The following ZNF23 variants were observed in gnomAD, a reference collection of about 807,000 sequenced individuals.
ZNF23 encodes kruppel-like zinc finger factor X31.
ZNF23 carries 48 observed loss-of-function variants against 56.2 expected under a neutral mutation model. That is an observed-to-expected ratio of 0.85 (90% CI 0.68 to 1.09). The LOEUF (loss-of-function observed/expected upper bound fraction) is 1.09, where lower values mean the gene tolerates loss of function less well. Ranked by LOEUF, ZNF23 falls within the 50% of genes least tolerant of loss-of-function variation. The pLI is 0.00. For missense variants in ZNF23, 805 were observed against 811.4 expected, an observed-to-expected ratio of 0.99 and a Z score of 0.10; for synonymous variants, 266 against 283.3, an observed-to-expected ratio of 0.94 and a Z score of 0.61.
At position 71,449,628 on chromosome 16, in the gene ZNF23, T is replaced by TA; in HGVS notation, c.525dup (p.Thr176TyrfsTer20). ...CCAGAGGGCTGCTCTCCAGTGATGG[T>TA]ATGACACTGATATGAGTTTGAACTT... On this transcript the variant is annotated frameshift_variant, in exon 5 of 5. Coordinates refer to ENST00000647773, the MANE Select transcript of ZNF23 (RefSeq NM_001381984.1). LOFTEE classifies it high-confidence loss of function. 1.9e-6 allele frequency: 3 copies of TA among 1,613,998 alleles called. No individual in the cohort carries two copies. The highest frequency in any genetic ancestry group is 2.5e-6 in the Non-Finnish European group (3 of 1,180,016).
At chr16:71,451,110 C>G (rs2043043514) in intron 4 of ZNF23, 1 of 152,574 alleles carries the variant, frequency 6.6e-6, no homozygotes, top group African/African-American at 2.4e-5. Flanking sequence ...TTAACCTTGC[C>G]TTTTCCTTTC....
chr16:71,449,382 G>A lies in ZNF23; in HGVS notation c.772C>T (p.Gln258Ter), dbSNP rs368825714. Residue 258 changes from glutamine (Q) to a stop codon, truncating the protein, a stop_gained, in exon 5 of 5, where the codon CAG becomes TAG. Coordinates refer to ENST00000647773, the MANE Select transcript of ZNF23 (RefSeq NM_001381984.1). LOFTEE classifies it high-confidence loss of function. ...GGTTTCTCCCCACTGTGAAGTCTCT[G>A]ATGCCAAATTAATTTCTCATTAATG... is the stretch of plus-strand genomic sequence containing the variant. The part of the protein sequence containing the change: ...FSINEKLIWH[Q>*]RLHSGEKPFK... 8 of 1,614,112 alleles carry A rather than the reference G, an allele frequency of 5.0e-6. No individual in the cohort carries two copies. The African/African-American group carries it at 9.3e-5, about 19-fold the overall frequency.
At chr16:71,455,957 C>A (rs1263097171) in intron 2 of ZNF23, 2 of 454,956 alleles carry the variant, frequency 4.4e-6, no homozygotes, top group African/African-American at 2.0e-5. Flanking sequence ...CAACACAGCA[C>A]TTATCACAGA....
chr16:71,456,174 G>A (rs541225013), intron 2 of ZNF23: 29 of 410,738 alleles, frequency 7.1e-5, no homozygotes, highest in South Asian at 3.1e-4. Flanking sequence ...CAGGTTCCCC[G>A]CACAACACCT....
In ZNF23 at chr16:71,456,899, G is replaced by A. The variant is rs1488478287; in HGVS notation, c.-32-71C>T. The A allele has an allele frequency of 7.4e-6, 4 of 538,054 alleles. No homozygotes were observed. The African/African-American group carries it at 8.2e-5, about 11-fold the overall frequency. 33.3% of individuals were successfully genotyped at this position (538,054 alleles called of 1,614,324 possible). ...AACCAGAGCAACATAGCCCCTCACA[G>A]AAAATGCAAGACACAGGCAGCTTGC... On this transcript the variant is annotated intron_variant, in intron 1 of 4. Coordinates refer to ENST00000647773, the MANE Select transcript of ZNF23 (RefSeq NM_001381984.1).
At position 71,448,082 on chromosome 16, in the gene ZNF23, C is replaced by A; in HGVS notation, c.*11G>T. ...CATTAACCTTAAGAGTTTTCTATAT[C>A]TTTCTCATTATTAGGATTTTCCTTC... is the stretch of plus-strand genomic sequence containing the variant. On this transcript the variant is annotated 3_prime_UTR_variant, in exon 5 of 5. Coordinates refer to ENST00000647773, the MANE Select transcript of ZNF23 (RefSeq NM_001381984.1). The A allele has an allele frequency of 6.4e-7, 1 of 1,564,040 alleles. No homozygotes were observed. Among genetic ancestry groups the A allele is most frequent in the Non-Finnish European group, 8.6e-7 (1 of 1,157,500 alleles).
Position 71,448,491 on chromosome 16 carries a change from C to T in ZNF23, c.1663G>A (p.Ala555Thr), listed in dbSNP as rs2042928732. 4 of 1,614,102 alleles carry T rather than the reference C, an allele frequency of 2.5e-6. No homozygotes were observed. The highest frequency in any genetic ancestry group is 3.4e-6 in the Non-Finnish European group (4 of 1,180,044). The change falls in exon 5 of 5, where the codon GCC (alanine) becomes ACC (threonine). Residue 555 changes from alanine to threonine, a missense_variant. Coordinates refer to ENST00000647773, the MANE Select transcript of ZNF23 (RefSeq NM_001381984.1). ...GTTAGTTTGGCATTGATACTGAAGG[C>T]TTTCCCACATTCCTTACATTGATAG... ...KPYQCKECGK[A>T]FSINAKLTRH...
Position 71,448,598 on chromosome 16 carries a change from A to G in ZNF23, c.1556T>C (p.Phe519Ser). The change falls in exon 5 of 5, where the codon TTT becomes TCT. Residue 519 changes from phenylalanine to serine, a missense_variant. Transcript: ENST00000647773. ...GCATCTCCCACACTCATTACATTCA[A>G]AAGGTTTCTCCCCAGTGTGAATTCT... ...HQRIHTGEKP[F>S]ECNECGRCFT... 1 of 1,613,824 alleles carries G rather than the reference A, an allele frequency of 6.2e-7. No homozygotes were observed. The highest frequency in any genetic ancestry group is 8.5e-7 in the Non-Finnish European group (1 of 1,179,946).
chr16:71,449,500 C>T lies in ZNF23; in HGVS notation c.654G>A (p.Glu218=), dbSNP rs768711895. 3.1e-6 allele frequency: 5 copies of T among 1,614,060 alleles called. No homozygotes were observed. The highest frequency in any genetic ancestry group is 3.4e-6 in the Non-Finnish European group (4 of 1,180,048). The change falls in exon 5 of 5, where the codon GAG becomes GAA. Residue 218 remains glutamate, a synonymous_variant. Coordinates refer to ENST00000647773, the MANE Select transcript of ZNF23 (RefSeq NM_001381984.1). ...TAAGTTGAGAGTCACACCTAAAGGGCTCTACTAATTCTTCACATTTGAAAG... is the reference window on the plus strand; with the variant it reads ...TAAGTTGAGAGTCACACCTAAAGGGTTCTACTAATTCTTCACATTTGAAAG... ...ERPFKCEELV[E]PFRCDSQLIQ... is the part of the protein sequence containing the mutation.
chr16:71,456,103 C>T (rs1319635969), intron 2 of ZNF23: 1 of 453,034 alleles, frequency 2.2e-6, no homozygotes, highest in Middle Eastern at 3.7e-4. Flanking sequence ...GGATGAGCTT[C>T]AGGGGATCCG....
In ZNF23 at chr16:71,453,272, G is replaced by A; in HGVS notation, c.239C>T (p.Ala80Val). ...CTGGAGGCCCTGGAGGCCTGTTCCT[G>A]CAGCCAGTGGAGATGAGCCCCCCAG... is the stretch of plus-strand genomic sequence containing the variant. ...SELGGSSPLAAGTGLQGLQTV... is the reference protein window; with the variant it reads ...SELGGSSPLAVGTGLQGLQTV... The change falls in exon 4 of 5, where the codon GCA (alanine) becomes GTA (valine). Residue 80 changes from alanine (A) to valine (V), a missense_variant. Transcript: ENST00000647773. 3 of 1,608,930 alleles carry A rather than the reference G, an allele frequency of 1.9e-6. No homozygotes were observed. The highest frequency in any genetic ancestry group is 2.2e-5 in the East Asian group (1 of 44,818).
At chr16:71,453,648 G>C (rs117079361) in intron 3 of ZNF23, 1 of 468,050 alleles carries the variant, frequency 2.1e-6, no homozygotes, top group Non-Finnish European at 3.8e-6. Flanking sequence ...GGGCAAGCAG[G>C]GAGATTCTGC....
intron 3 of ZNF23, 139 bp from the exon 4 acceptor site, chr16:71,453,489 A>C (rs1212855690): frequency 3.1e-6 from 2 of 643,260 alleles, no homozygotes; most frequent in Admixed American, 5.1e-5. Context: ...GACTACGGGA[A>C]AGTACTGTGG....
chr16:71,457,969 G>A (rs896958459), intron 1 of ZNF23, among the ~76,000 whole-genome samples: 2 of 152,288 alleles, frequency 1.3e-5, no homozygotes, highest in South Asian at 4.1e-4. Context: ...GGAGAAGGCA[G>A]CTGCCCCCCA....
intron 2 of ZNF23, among the ~76,000 whole-genome samples, chr16:71,454,787 A>G (rs1378779394): frequency 6.6e-6 from 1 of 152,190 alleles, no homozygotes; most frequent in Non-Finnish European, 1.5e-5. Context: ...ATCCTTTCCA[A>G]CTTCTCCGAA....
Position 71,453,322 on chromosome 16 carries a change from G to A in ZNF23, c.189C>T (p.Ile63=), listed in dbSNP as rs1426774859. ...LGFPLLKPAV[I]SQLEGGSELG... is the part of the protein sequence containing the mutation. ...GCTCACTTCCTCCCTCCAGTTGTGA[G>A]ATCACAGCAGGTTTGAGAAGTGGAA... The change falls in exon 4 of 5, where the codon ATC becomes ATT. Residue 63 remains isoleucine (I), a synonymous_variant. Coordinates refer to ENST00000647773, the MANE Select transcript of ZNF23 (RefSeq NM_001381984.1). The A allele has an allele frequency of 6.2e-7, 1 of 1,603,576 alleles. No homozygotes were observed. Among genetic ancestry groups the A allele is most frequent in the Admixed American group, 1.7e-5 (1 of 58,886 alleles).
chr16:71,453,248 T>C lies in ZNF23; in HGVS notation c.263A>G (p.Gln88Arg), dbSNP rs780466406. Reference sequence around the variant, plus strand: ...GAAATATGTACCTCCCTTACCAGTCTGGAGGCCCTGGAGGCCTGTTCCTGC... The same window carrying C: ...GAAATATGTACCTCCCTTACCAGTCCGGAGGCCCTGGAGGCCTGTTCCTGC... ...LAAGTGLQGL[Q>R]TVDIQTDNDL... The change falls in exon 4 of 5, where the codon CAG becomes CGG. Residue 88 changes from glutamine to arginine, a missense_variant. Transcript: ENST00000647773. 3.7e-6 allele frequency: 6 copies of C among 1,605,204 alleles called. No individual in the cohort carries two copies. Among genetic ancestry groups the C allele is most frequent in the Non-Finnish European group, 5.1e-6 (6 of 1,175,096 alleles).
chr16:71,449,086 A>G lies in ZNF23; in HGVS notation c.1068T>C (p.Cys356=), dbSNP rs1411290635. ...TGEKPYECND[C]GKAFNVNAKL... The stretch of plus-strand genomic sequence containing the variant: ...TTGCATTAACATTGAACGCTTTCCC[A>G]CAGTCATTACACTCGTAAGGTTTCT... Residue 356 remains cysteine (C), a synonymous_variant, in exon 5 of 5, where the codon TGT becomes TGC. Coordinates refer to ENST00000647773, the MANE Select transcript of ZNF23 (RefSeq NM_001381984.1). 1 of 1,614,060 alleles carries G rather than the reference A, an allele frequency of 6.2e-7. No homozygotes were observed. Among genetic ancestry groups the G allele is most frequent in the Non-Finnish European group, 8.5e-7 (1 of 1,180,030 alleles).
intron 1 of ZNF23, among the ~76,000 whole-genome samples, chr16:71,458,442 A>T (rs536805136): frequency 1.1e-3 from 167 of 152,190 alleles, no homozygotes; most frequent in Non-Finnish European, 1.5e-3. Flanking sequence ...CTTCTTTTGA[A>T]TATATGTGCT....
Sources: gnomAD v4.1 joint callset for allele counts (sites outside exome capture counted in the v4.1 genomes callset) on GRCh38, gnomAD v4.1.1 for gene constraint, MANE v1.5 for transcripts, NCBI Gene and HGNC (gene_info 2026-07-23, HGNC 2026-07-21) for gene names.